The following WDR12 variants were observed in gnomAD, a reference collection of about 807,000 sequenced individuals.
WDR12 encodes the protein ribosome biogenesis protein WDR12.
Under a neutral mutation model 64.3 loss-of-function variants are expected in WDR12, and 42 were observed. The observed-to-expected ratio is 0.65, with a 90% CI of 0.51 to 0.84. WDR12 has a LOEUF of 0.84. Among genes scored for constraint, WDR12 ranks in the 40% least tolerant of loss-of-function variants. The pLI is 0.00. For missense variants in WDR12, 469 were observed against 494.6 expected, an observed-to-expected ratio of 0.95 and a Z score of 0.49; for synonymous variants, 158 against 173.3, an observed-to-expected ratio of 0.91 and a Z score of 0.70.
chr2:202,885,286 T>C (rs181030219), intron 8 of WDR12, among the ~76,000 whole-genome samples: 10 of 152,282 alleles, frequency 6.6e-5, no homozygotes, highest in South Asian at 4.1e-4. Flanking sequence ...TATCTGTAAG[T>C]AATAAACCCG....
chr2:202,897,888 C>CAAAAAA (rs10637220), intron 4 of WDR12, among the ~76,000 whole-genome samples: 170 of 74,154 alleles, frequency 2.3e-3, no homozygotes, highest in African/African-American at 2.9e-3. Flanking sequence ...GACTCCGTTT[C>CAAAAAA]AAAAAAAAAA....
intron 12 of WDR12, among the ~76,000 whole-genome samples, chr2:202,881,909 G>C: frequency 6.6e-6 from 1 of 151,736 alleles, no homozygotes; most frequent in East Asian, 1.9e-4. Context: ...AAAAAAAAAT[G>C]CTCCAAAATT....
intron 2 of WDR12, among the ~76,000 whole-genome samples, chr2:202,901,555 A>G (rs1206656380): frequency 4.6e-5 from 7 of 152,220 alleles, no homozygotes; most frequent in Admixed American, 3.9e-4. Context: ...TTAAAATTTA[A>G]CAATCACTCC....
At chr2:202,896,031 T>C in intron 6 of WDR12, 34 bp downstream of exon 6, 1 of 1,592,220 alleles carries the variant, frequency 6.3e-7, no homozygotes, top group Non-Finnish European at 8.5e-7. Context: ...AAATTCAAAT[T>C]TAACAGAGTA....
Position 202,907,837 on chromosome 2 carries a change from G to A in WDR12, c.136+28C>T, listed in dbSNP as rs559731233. The A allele has an allele frequency of 7.1e-6, 11 of 1,542,700 alleles. No homozygotes were observed. In the South Asian group the frequency reaches 1.1e-4, roughly 16 times the overall value. ...GCATTTTAGAATAATTAGGGACACT[G>A]TGCCCTCTCCTAAGCATATATACCC... is the stretch of plus-strand genomic sequence containing the variant. On this transcript the variant is annotated intron_variant, in intron 2 of 12. Coordinates refer to ENST00000261015, the MANE Select transcript of WDR12 (RefSeq NM_018256.4).
rs142533508 is a variant in WDR12 at position 202,910,134 on chromosome 2, G to A, written c.41+1302C>T. Reference sequence around the variant, plus strand: ...TCTACATTTTTTTACCTTTTGGAGGGCCTAAATTCACACACACACATATGA... The same window carrying A: ...TCTACATTTTTTTACCTTTTGGAGGACCTAAATTCACACACACACATATGA... On this transcript the variant is annotated intron_variant, in intron 1 of 12. Coordinates refer to ENST00000261015, the MANE Select transcript of WDR12 (RefSeq NM_018256.4). Among the ~76,000 whole-genome samples, 1,498 of 152,202 alleles carry A rather than the reference G, an allele frequency of 9.8e-3. 11 individuals are homozygous for A. The highest frequency in any genetic ancestry group is 0.017 in the Non-Finnish European group (1,161 of 68,010).
intron 8 of WDR12, 61 bp from the exon 9 acceptor site, chr2:202,884,596 A>G (rs1358106996): frequency 2.0e-6 from 3 of 1,515,450 alleles, no homozygotes; most frequent in Non-Finnish European, 2.7e-6. Flanking sequence ...TGAAACAATA[A>G]TAGTACTTAT....
At chr2:202,894,550 T>C (rs1452883345) in intron 7 of WDR12, 31 bp downstream of exon 7, 15 of 1,568,296 alleles carry the variant, frequency 9.6e-6, no homozygotes, top group Non-Finnish European at 1.1e-5. Context: ...ACAACATTAT[T>C]AAGTCAAGGT....
At chr2:202,888,271 G>C (rs1397781596) in intron 8 of WDR12, among the ~76,000 whole-genome samples, 2 of 152,214 alleles carry the variant, frequency 1.3e-5, no homozygotes, top group Non-Finnish European at 2.9e-5. Flanking sequence ...CAGGGACAGA[G>C]AACAGAGTAG....
At chr2:202,887,178 C>A (rs1688062769) in intron 8 of WDR12, among the ~76,000 whole-genome samples, 1 of 152,042 alleles carries the variant, frequency 6.6e-6, no homozygotes, top group South Asian at 2.1e-4. Context: ...CACGTGCCAC[C>A]ACGCCTGGCT....
At chr2:202,911,267 A>C (rs1194992651) in intron 1 of WDR12, among the ~76,000 whole-genome samples, 169 bp downstream of exon 1, 1 of 152,060 alleles carries the variant, frequency 6.6e-6, no homozygotes, top group Non-Finnish European at 1.5e-5. Flanking sequence ...CCTCCTCCAC[A>C]CTCACAATTC....
At chr2:202,898,420 T>C (rs997298205) in intron 4 of WDR12, among the ~76,000 whole-genome samples, 6 of 152,192 alleles carry the variant, frequency 3.9e-5, no homozygotes, top group Non-Finnish European at 8.8e-5. Context: ...CAAAGTGCTG[T>C]GATTACAGGC....
At position 202,876,274 on chromosome 2, in the gene WDR12, G is replaced by C. The variant is rs897206844; in HGVS notation, c.*4586C>G. On this transcript the variant is annotated 3_prime_UTR_variant, in exon 13 of 13. Transcript: ENST00000261015. ...GTGGCAGCATGCAATTGTACTCCCA[G>C]GTACGTACTCAGGAAGCTGGGGCAG... 3.9e-5 allele frequency: 6 copies of C among 152,152 alleles called. No individual in the cohort carries two copies. The highest frequency in any genetic ancestry group is 1.3e-4 in the Admixed American group (2 of 15,276). The allele number at this position is 152,152 out of a possible 1,614,324, so 9.4% of individuals were successfully genotyped here. A position where few individuals can be genotyped will look rare whatever the true frequency, so the allele number is the denominator to read the frequency against.
chr2:202,881,610 G>A (rs1288688127), intron 12 of WDR12, among the ~76,000 whole-genome samples: 1 of 152,054 alleles, frequency 6.6e-6, no homozygotes, highest in East Asian at 1.9e-4. Flanking sequence ...GTGAGACCAC[G>A]TCTCTACAAA....
intron 1 of WDR12, among the ~76,000 whole-genome samples, chr2:202,910,386 G>C (rs1037173601): frequency 3.3e-5 from 5 of 152,042 alleles, no homozygotes; most frequent in Admixed American, 1.3e-4. Context: ...AGCCAGGCTT[G>C]GTGGCACATG....
intron 4 of WDR12, among the ~76,000 whole-genome samples, chr2:202,897,988 A>T (rs1342647141): frequency 6.8e-6 from 1 of 147,580 alleles, no homozygotes; most frequent in Non-Finnish European, 1.5e-5. Context: ...TATAAGCTGT[A>T]TATGAAACAT....
chr2:202,902,674 A>G (rs554806831), intron 2 of WDR12, among the ~76,000 whole-genome samples: 4 of 152,268 alleles, frequency 2.6e-5, no homozygotes, highest in African/African-American at 7.2e-5. Flanking sequence ...TTGGCCATAG[A>G]CTGAAGGCTG....
At chr2:202,889,327 T>C (rs576937789) in intron 8 of WDR12, among the ~76,000 whole-genome samples, 1 of 152,120 alleles carries the variant, frequency 6.6e-6, no homozygotes, top group East Asian at 1.9e-4. Context: ...AATACATAAA[T>C]AACTCTTACA....
chr2:202,884,579 G>A, intron 8 of WDR12, 44 bp from the exon 9 acceptor site: 1 of 1,566,150 alleles, frequency 6.4e-7, no homozygotes, highest in Non-Finnish European at 8.6e-7. Context: ...TTTCATTACA[G>A]AATAATTGAA....
Sources: allele counts gnomAD v4.1 joint callset (sites outside exome capture counted in the v4.1 genomes callset), GRCh38; gene constraint gnomAD v4.1.1; transcripts MANE v1.5; gene names NCBI Gene and HGNC (gene_info 2026-07-23, HGNC 2026-07-21).